SCP2: variants seen among roughly 807,000 people sequenced by gnomAD.
SCP2 encodes the protein sterol carrier protein 2, also known as SCP-2/3-oxoacyl-CoA thiolase.
Under a neutral mutation model 71.4 loss-of-function variants are expected in SCP2, and 48 were observed. That is an observed-to-expected ratio of 0.67 (90% confidence interval 0.53 to 0.86). The LOEUF (loss-of-function observed/expected upper bound fraction) is 0.86. Ranked by LOEUF, SCP2 falls within the 40% of genes least tolerant of loss-of-function variation. SCP2 has a pLI of 0.00. For synonymous variants in SCP2, 220 were observed against 218.1 expected (o/e 1.01, Z -0.08); for missense variants, 560 against 655.6 (o/e 0.85, Z 1.59).
chr1:52,957,473 AAAAAC>A (rs764117377), intron 5 of SCP2, among the ~76,000 whole-genome samples: 6 of 152,234 alleles, frequency 3.9e-5, no homozygotes, highest in Admixed American at 6.5e-5. Flanking sequence ...GCTCTGCCAA[AAAAAC>A]AAAACAAAAC....
At chr1:53,005,533 A>G (rs1438793158) in intron 11 of SCP2, among the ~76,000 whole-genome samples, 1 of 152,180 alleles carries the variant, frequency 6.6e-6, no homozygotes, top group Non-Finnish European at 1.5e-5. Flanking sequence ...CCTCCAGCAA[A>G]CTCCAACAGA....
intron 1 of SCP2, among the ~76,000 whole-genome samples, chr1:52,931,314 T>C (rs772913143): frequency 6.6e-6 from 1 of 152,174 alleles, no homozygotes; most frequent in African/African-American, 2.4e-5. Context: ...AACTTGGATA[T>C]ACTAGGTGCC....
chr1:52,958,801 C>T (rs556758438), intron 5 of SCP2, among the ~76,000 whole-genome samples: 23 of 152,200 alleles, frequency 1.5e-4, no homozygotes, highest in African/African-American at 3.9e-4. Flanking sequence ...GCAATCCTCC[C>T]GCCTGGGCCT....
chr1:53,040,259 A>G (rs1437340459), intron 14 of SCP2, among the ~76,000 whole-genome samples: 1 of 125,192 alleles, frequency 8.0e-6, no homozygotes, highest in Non-Finnish European at 1.5e-5. Context: ...CACTGCAGGT[A>G]AAGTTCTTAA....
chr1:52,983,850 T>C (rs1022762822), intron 10 of SCP2, among the ~76,000 whole-genome samples: 5 of 152,242 alleles, frequency 3.3e-5, no homozygotes, highest in African/African-American at 1.2e-4. Flanking sequence ...TTCTGATTCT[T>C]TGTATAGCAA....
chr1:53,046,019 A>G (rs1010380755), intron 14 of SCP2, among the ~76,000 whole-genome samples: 1 of 152,062 alleles, frequency 6.6e-6, no homozygotes, highest in Non-Finnish European at 1.5e-5. Context: ...GAAGTATTTT[A>G]TTCTTTTTTG....
intron 11 of SCP2, among the ~76,000 whole-genome samples, chr1:52,998,033 C>G (rs1291576958): frequency 1.3e-5 from 2 of 152,204 alleles, no homozygotes; most frequent in South Asian, 4.1e-4. Flanking sequence ...TGGCTTCTTT[C>G]ACTCAGCAGA....
chr1:52,959,419 T>C (rs946934068), intron 5 of SCP2, among the ~76,000 whole-genome samples: 2 of 152,022 alleles, frequency 1.3e-5, no homozygotes, highest in Non-Finnish European at 2.9e-5. Context: ...GGTCTTGAAC[T>C]CCCGACCTCA....
At chr1:53,019,962 C>T (rs1339115245) in intron 12 of SCP2, among the ~76,000 whole-genome samples, 2 of 152,224 alleles carry the variant, frequency 1.3e-5, no homozygotes, top group Non-Finnish European at 2.9e-5. Flanking sequence ...TCTCAGCTCA[C>T]TGCAACTTCC....
intron 12 of SCP2, among the ~76,000 whole-genome samples, chr1:53,026,587 C>T (rs1206760914): frequency 6.6e-6 from 1 of 152,154 alleles, no homozygotes; most frequent in Non-Finnish European, 1.5e-5. Flanking sequence ...GTGGGAGGAT[C>T]GATTGAGCCC....
chr1:52,977,795 T>C (rs1162472305), intron 8 of SCP2, among the ~76,000 whole-genome samples: 1 of 152,084 alleles, frequency 6.6e-6, no homozygotes, highest in African/African-American at 2.4e-5. Context: ...ACTCCGTCTC[T>C]ACTAAAAATA....
intron 11 of SCP2, among the ~76,000 whole-genome samples, chr1:53,010,546 C>G (rs1020704875): frequency 1.3e-5 from 2 of 152,060 alleles, no homozygotes; most frequent in Admixed American, 6.6e-5. Context: ...CCAAACACCA[C>G]ATGTTCTCAC....
chr1:52,964,507 G>C (rs1656775202), intron 6 of SCP2, among the ~76,000 whole-genome samples: 1 of 151,836 alleles, frequency 6.6e-6, no homozygotes, highest in African/African-American at 2.4e-5. Context: ...GCCCAGGTTT[G>C]TCGATTTTAA....
intron 11 of SCP2, among the ~76,000 whole-genome samples, chr1:52,999,331 C>T (rs1055018938): frequency 1.3e-5 from 2 of 152,152 alleles, no homozygotes. Context: ...GGATAACAAA[C>T]TGCAATAGAA....
chr1:52,995,005 C>G (rs1468562132), intron 11 of SCP2: 1 of 504,612 alleles, frequency 2.0e-6, no homozygotes, highest in Admixed American at 2.2e-5. Flanking sequence ...TGTTTTTGGT[C>G]AATCTGGGGC....
chr1:52,961,691 A>G, intron 6 of SCP2, 62 bp downstream of exon 6: 2 of 1,433,456 alleles, frequency 1.4e-6, no homozygotes, highest in Non-Finnish European at 2.0e-6. Flanking sequence ...ATGAGAAATG[A>G]CAGTTATTTA....
At chr1:53,007,404 G>A (rs1243446129) in intron 11 of SCP2, among the ~76,000 whole-genome samples, 1 of 152,120 alleles carries the variant, frequency 6.6e-6, no homozygotes, top group Non-Finnish European at 1.5e-5. Flanking sequence ...AAATGTAAAA[G>A]AACAGAAATT....
intron 10 of SCP2, among the ~76,000 whole-genome samples, chr1:52,985,504 A>G (rs1381713252): frequency 6.6e-6 from 1 of 152,114 alleles, no homozygotes; most frequent in African/African-American, 2.4e-5. Context: ...ATCGTTTCTC[A>G]TTTATATTAT....
rs577724411 is a variant in SCP2, at chr1:52,975,495, C to T, written c.587+663C>T. Among the ~76,000 whole-genome samples the T allele has an allele frequency of 5.8e-4, 88 of 151,838 alleles. 1 individual carries two copies. Among genetic ancestry groups the T allele is most frequent in the Admixed American group, 1.8e-3 (28 of 15,234 alleles). On this transcript the variant is annotated intron_variant, in intron 7 of 15. Transcript: ENST00000371514. ...ACCCAGCCTGTATTTTTAGTTGAGA[C>T]GAGCTTTTGCCATGTTGGCCAGGCT...
Sources: allele counts gnomAD v4.1 joint callset (sites outside exome capture counted in the v4.1 genomes callset), GRCh38; gene constraint gnomAD v4.1.1; transcripts MANE v1.5; gene names NCBI Gene and HGNC (gene_info 2026-07-23, HGNC 2026-07-21).